The following TMPRSS11E variants were observed in gnomAD, a reference collection of about 807,000 sequenced individuals.
TMPRSS11E encodes the protein transmembrane protease serine 11E.
A neutral mutation model predicts 48.1 loss-of-function variants in TMPRSS11E; 38 were observed. The observed-to-expected ratio is 0.79, with a 90% CI of 0.61 to 1.04. The LOEUF is 1.04. Among genes scored for constraint, TMPRSS11E ranks in the 50% least tolerant of loss-of-function variants. The probability of loss-of-function intolerance (pLI) is 0.00; values close to 1 mark genes in which losing one functional copy is unlikely to be tolerated. For missense variants in TMPRSS11E, 530 were observed against 510.8 expected, an observed-to-expected ratio of 1.04 and a Z score of -0.36; for synonymous variants, 158 against 171.9, an observed-to-expected ratio of 0.92 and a Z score of 0.63.
intron 9 of TMPRSS11E, among the ~76,000 whole-genome samples, chr4:68,488,625 G>A (rs929312505): frequency 3.3e-5 from 5 of 151,948 alleles, no homozygotes; most frequent in African/African-American, 7.3e-5. Flanking sequence ...TGCAAGCTCC[G>A]CCTCCCGGGT....
chr4:68,477,520 G>T lies in TMPRSS11E; in HGVS notation c.859G>T (p.Val287Phe). 6 of 1,613,946 alleles carry T rather than the reference G, an allele frequency of 3.7e-6. No homozygotes were observed. The highest frequency in any genetic ancestry group is 5.1e-6 in the Non-Finnish European group (6 of 1,179,942). Reference protein sequence around the residue: ...DISLAELSSPVPYTNAVHRVC... With the variant: ...DISLAELSSPFPYTNAVHRVC... The stretch of plus-strand genomic sequence containing the variant: ...TTCTCTTGCAGAGCTTTCTAGCCCT[G>T]TTCCCTACACAAATGCAGTACATAG... The change falls in exon 8 of 10, where the codon GTT becomes TTT. Residue 287 changes from valine (V) to phenylalanine (F), a missense_variant. Val to Phe is a conservative substitution (Grantham distance 50). Coordinates refer to ENST00000305363, the MANE Select transcript of TMPRSS11E (RefSeq NM_014058.4).
chr4:68,493,523 G>A (rs1378641822), intron 9 of TMPRSS11E, among the ~76,000 whole-genome samples: 3 of 152,130 alleles, frequency 2.0e-5, no homozygotes, highest in African/African-American at 4.8e-5. Context: ...CTGGAGTGCA[G>A]TGGTGTGATC....
intron 1 of TMPRSS11E, among the ~76,000 whole-genome samples, chr4:68,450,573 C>T (rs1168680461): frequency 6.6e-6 from 1 of 151,812 alleles, no homozygotes; most frequent in Non-Finnish European, 1.5e-5. Context: ...CATATCCACA[C>T]ATGGAGAAAA....
chr4:68,467,457 A>T (rs528894240), intron 3 of TMPRSS11E, among the ~76,000 whole-genome samples: 2 of 152,172 alleles, frequency 1.3e-5, no homozygotes, highest in Non-Finnish European at 2.9e-5. Flanking sequence ...GAAACCTGTG[A>T]GGTAATTCAT....
At chr4:68,450,034 G>GA (rs1213843913) in intron 1 of TMPRSS11E, among the ~76,000 whole-genome samples, 1 of 151,794 alleles carries the variant, frequency 6.6e-6, no homozygotes, top group Non-Finnish European at 1.5e-5. Flanking sequence ...TTGTTTACAG[G>GA]AAAAACCTTG....
At chr4:68,462,983 G>T (rs903045253) in intron 2 of TMPRSS11E, among the ~76,000 whole-genome samples, 12 of 152,100 alleles carry the variant, frequency 7.9e-5, no homozygotes, top group Admixed American at 7.2e-4. Flanking sequence ...ACCATGACCT[G>T]TTAGTTTAAT....
chr4:68,468,680 T>C (rs896582190), intron 3 of TMPRSS11E, among the ~76,000 whole-genome samples, 199 bp from the exon 4 acceptor site: 3 of 152,090 alleles, frequency 2.0e-5, no homozygotes, highest in Non-Finnish European at 2.9e-5. Context: ...CCTACTCCTA[T>C]CATTCCTAAG....
At chr4:68,488,700 G>A (rs893647306) in intron 9 of TMPRSS11E, among the ~76,000 whole-genome samples, 16 of 133,762 alleles carry the variant, frequency 1.2e-4, no homozygotes, top group African/African-American at 2.4e-4. Context: ...CACCATGCCC[G>A]GCTAATTTTT....
rs901547215 is a variant in TMPRSS11E at position 68,463,370 on chromosome 4, C to T, written c.136+1425C>T. 7.9e-5 allele frequency among the ~76,000 whole-genome samples: 12 copies of T among 152,036 alleles called. No homozygotes were observed. In the East Asian group the frequency reaches 1.7e-3, roughly 22 times the overall value. On this transcript the variant is annotated intron_variant, in intron 2 of 9. Coordinates refer to ENST00000305363, the MANE Select transcript of TMPRSS11E (RefSeq NM_014058.4). Reference sequence around the variant, plus strand: ...AGGCTGGAGTGCAGTGGCTCGATCTCGGCTCACTGCAACCCCTGCCTCCTG... The same window carrying T: ...AGGCTGGAGTGCAGTGGCTCGATCTTGGCTCACTGCAACCCCTGCCTCCTG...
rs143380410 is a variant in TMPRSS11E, at chr4:68,457,650, A to G, written c.12-4171A>G. ...TAGCAAAGACTTGGAACCAACCCAA[A>G]TGCCCATCAATGATGTCTGTTATAC... On this transcript the variant is annotated intron_variant, in intron 1 of 9. Transcript: ENST00000305363. 3.0e-3 allele frequency among the ~76,000 whole-genome samples: 459 copies of G among 152,246 alleles called. 1 individual carries two copies. Among genetic ancestry groups the G allele is most frequent in the Non-Finnish European group, 5.3e-3 (360 of 68,008 alleles).
At chr4:68,451,083 G>A (rs908862498) in intron 1 of TMPRSS11E, among the ~76,000 whole-genome samples, 1 of 151,860 alleles carries the variant, frequency 6.6e-6, no homozygotes, top group Non-Finnish European at 1.5e-5. Context: ...AGATTTATAA[G>A]CATGCCTGAT....
chr4:68,464,200 G>C (rs1728868492), intron 2 of TMPRSS11E, among the ~76,000 whole-genome samples: 1 of 152,042 alleles, frequency 6.6e-6, no homozygotes, highest in Non-Finnish European at 1.5e-5. Context: ...GAGTGGCTTT[G>C]GCAGACAAAT....
At chr4:68,492,377 T>TG (rs1729750874) in intron 9 of TMPRSS11E, among the ~76,000 whole-genome samples, 1 of 152,226 alleles carries the variant, frequency 6.6e-6, no homozygotes, top group Non-Finnish European at 1.5e-5. Flanking sequence ...GAGCATATTC[T>TG]TACCTGAGGT....
At chr4:68,462,218 AAAC>A (rs1201074570) in intron 2 of TMPRSS11E, among the ~76,000 whole-genome samples, 2 of 152,142 alleles carry the variant, frequency 1.3e-5, no homozygotes, top group Non-Finnish European at 2.9e-5. Context: ...AATCAAAGGA[AAAC>A]TACAGGATAG....
At chr4:68,489,259 G>T (rs148856638) in intron 9 of TMPRSS11E, among the ~76,000 whole-genome samples, 1 of 152,210 alleles carries the variant, frequency 6.6e-6, no homozygotes, top group Non-Finnish European at 1.5e-5. Flanking sequence ...GCTGCATGCT[G>T]TACCAGGCTG....
chr4:68,477,654 T>C lies in TMPRSS11E; in HGVS notation c.967+26T>C, dbSNP rs898418222. 1.0e-5 allele frequency: 16 copies of C among 1,607,030 alleles called. No individual in the cohort carries two copies. In the African/African-American group the frequency reaches 2.0e-4, roughly 20 times the overall value. ...GTGAGCATCGGAAGAGGAACTCAAG[T>C]AAAAGTTAAATTGGTATTTTATGGC... On this transcript the variant is annotated intron_variant, in intron 8 of 9. Coordinates refer to ENST00000305363, the MANE Select transcript of TMPRSS11E (RefSeq NM_014058.4).
chr4:68,467,675 C>G (rs1314286821), intron 3 of TMPRSS11E, among the ~76,000 whole-genome samples: 1 of 152,152 alleles, frequency 6.6e-6, no homozygotes, highest in Non-Finnish European at 1.5e-5. Context: ...AAGTGAGACC[C>G]TGGAAACCGC....
intron 2 of TMPRSS11E, among the ~76,000 whole-genome samples, chr4:68,465,548 CT>C (rs1436646778): frequency 6.6e-6 from 1 of 152,156 alleles, no homozygotes; most frequent in Non-Finnish European, 1.5e-5. Flanking sequence ...ATTTCCAAGA[CT>C]GTAATCTATT....
intron 8 of TMPRSS11E, among the ~76,000 whole-genome samples, 194 bp from the exon 9 acceptor site, chr4:68,478,655 A>G (rs1729311360): frequency 6.6e-6 from 1 of 151,458 alleles, no homozygotes; most frequent in African/African-American, 2.4e-5. Flanking sequence ...GGATTTCACC[A>G]TGTTGGCCAA....
Sources: allele counts gnomAD v4.1 joint callset (sites outside exome capture counted in the v4.1 genomes callset), GRCh38; gene constraint gnomAD v4.1.1; transcripts MANE v1.5; gene names NCBI Gene and HGNC (gene_info 2026-07-23, HGNC 2026-07-21).